Variants in CLUH observed in about 807,000 individuals in gnomAD.
CLUH encodes the protein CLUH binding protein of NUMT mRNA, also known as clustered mitochondria protein homolog.
CLUH carries 77 observed loss-of-function variants against 139.3 expected under a neutral mutation model. The observed-to-expected ratio is 0.55, with a 90% CI of 0.46 to 0.67. The LOEUF (loss-of-function observed/expected upper bound fraction) is 0.67, where lower values mean the gene tolerates loss of function less well. Among genes scored for constraint, CLUH ranks in the 30% least tolerant of loss-of-function variants. CLUH has a pLI of 0.00. For missense variants in CLUH, 1,876 were observed against 1,875.8 expected, an observed-to-expected ratio of 1.00 and a Z score of 0.00; for synonymous variants, 999 against 801.6, an observed-to-expected ratio of 1.25 and a Z score of -4.16.
intron 22 of CLUH, 74 bp downstream of exon 22, chr17:2,692,287 G>A (rs1190631437): frequency 1.4e-6 from 2 of 1,469,730 alleles, no homozygotes; most frequent in Non-Finnish European, 1.8e-6. Context: ...AGGAGCACTG[G>A]GTCTCTTCCC....
chr17:2,704,588 G>A lies in CLUH; in HGVS notation c.101-24C>T, dbSNP rs923786341. On this transcript the variant is annotated intron_variant, in intron 1 of 25. Transcript: ENST00000651024. This position sits in a 1 kb window ranked among gnomAD's most constrained non-coding sequence, Gnocchi z 5.7. ...CTCTGCGGGTGACAAGAACGGGTCA[G>A]AATCAGGCAGCCTCGCTGGTCGGCG... 6.5e-6 allele frequency: 10 copies of A among 1,528,968 alleles called. No individual in the cohort carries two copies. In the African/African-American group the frequency reaches 1.4e-4, roughly 21 times the overall value. The allele number at this position is 1,528,968 out of a possible 1,614,324, so 94.7% of individuals were successfully genotyped here.
chr17:2,690,908 T>G, intron 25 of CLUH, 131 bp from the exon 26 acceptor site: 26 of 664,380 alleles, frequency 3.9e-5, no homozygotes, highest in Middle Eastern at 4.6e-4. Context: ...GAACAAGCGC[T>G]TCCCTCCTGA....
Position 2,707,382 on chromosome 17 carries a change from G to T in CLUH, c.101-2818C>A. ...CAGTGGGGCCAGGCCTGCCATGGCA[G>T]CCCCAGGAAGGGCACACTCCCCCTG... On this transcript the variant is annotated intron_variant, in intron 1 of 25. Coordinates refer to ENST00000651024, the MANE Select transcript of CLUH (RefSeq NM_001366661.1). The surrounding 1 kb of genome is among the most constrained non-coding windows in gnomAD (Gnocchi z 7.4). 1.0e-6 allele frequency: 1 copy of T among 985,404 alleles called. No homozygotes were observed. The highest frequency in any genetic ancestry group is 1.2e-6 in the Non-Finnish European group (1 of 829,908). 61.0% of individuals were successfully genotyped at this position (985,404 alleles called of 1,614,324 possible).
chr17:2,691,923 C>T (rs1482068364), intron 23 of CLUH, 28 bp from the exon 24 acceptor site: 14 of 1,311,408 alleles, frequency 1.1e-5, no homozygotes, highest in Middle Eastern at 2.6e-4. Flanking sequence ...GGGATCAGGC[C>T]CCCCCGTGCC....
chr17:2,700,168 C>T (rs1331990945), intron 9 of CLUH, among the ~76,000 whole-genome samples: 2 of 152,238 alleles, frequency 1.3e-5, no homozygotes, highest in Non-Finnish European at 2.9e-5. Flanking sequence ...CTTCCAGGGA[C>T]TCAAAGCCTC....
At chr17:2,698,795 G>C (rs1047076340) in intron 9 of CLUH, among the ~76,000 whole-genome samples, 6 of 152,180 alleles carry the variant, frequency 3.9e-5, no homozygotes, top group African/African-American at 1.4e-4. Context: ...TGTAATCCCA[G>C]CACTTTGAGG....
Position 2,703,480 on chromosome 17 carries a change from G to A in CLUH, c.313C>T (p.Gln105Ter). ...TGGTGAATCTCCTGCACCATCTCCT[G>A]GGGGGACACCTGCAGGGAGAAGGCC... ...IEPFSLQVSP[Q>*]EMVQEIHQVL... The change falls in exon 3 of 26, where the codon CAG becomes TAG. Residue 105 changes from glutamine to a stop codon, truncating the protein, a stop_gained. Transcript: ENST00000651024. LOFTEE classifies it high-confidence loss of function. This position sits in a 1 kb window ranked among gnomAD's most constrained non-coding sequence, Gnocchi z 4.2. 6.2e-7 allele frequency: 1 copy of A among 1,612,974 alleles called. No individual in the cohort carries two copies. The highest frequency in any genetic ancestry group is 8.5e-7 in the Non-Finnish European group (1 of 1,179,574).
chr17:2,702,462 T>G (rs1204038023), intron 3 of CLUH, among the ~76,000 whole-genome samples: 1 of 152,218 alleles, frequency 6.6e-6, no homozygotes, highest in East Asian at 1.9e-4. Flanking sequence ...GCCTGAGGAC[T>G]TTCCAAGGCC....
chr17:2,696,654 G>T, intron 11 of CLUH, 65 bp downstream of exon 11: 1 of 1,579,986 alleles, frequency 6.3e-7, no homozygotes, highest in Admixed American at 1.7e-5. Flanking sequence ...CTCCCAGGTG[G>T]GGGTCATAAG....
At chr17:2,695,149 C>G in intron 15 of CLUH, 48 bp from the exon 16 acceptor site, 1 of 1,613,478 alleles carries the variant, frequency 6.2e-7, no homozygotes, top group Non-Finnish European at 8.5e-7. Context: ...AGCCCCACCT[C>G]AGGCTCTTTC....
At position 2,701,690 on chromosome 17, in the gene CLUH, T is replaced by G; in HGVS notation, c.667A>C (p.Thr223Pro). Residue 223 changes from threonine to proline, a missense_variant, in exon 5 of 26, where the codon ACA becomes CCA. Transcript: ENST00000651024. ...KGLEMDPIDC[T>P]PPEYILPGSR... ...CCTGGCAGGATGTACTCGGGTGGTG[T>G]GCAGTCGATGGGGTCCATCTCCAAG... 6.3e-7 allele frequency: 1 copy of G among 1,592,418 alleles called. No individual in the cohort carries two copies. The highest frequency in any genetic ancestry group is 1.1e-5 in the South Asian group (1 of 87,306).
intron 22 of CLUH, 41 bp from the exon 23 acceptor site, chr17:2,692,138 T>C (rs756496432): frequency 6.5e-7 from 1 of 1,549,200 alleles, no homozygotes; most frequent in East Asian, 2.4e-5. Context: ...AGGGCATAAG[T>C]GGGCTGGGTG....
At chr17:2,699,627 T>G (rs1456879948) in intron 9 of CLUH, among the ~76,000 whole-genome samples, 1 of 140,208 alleles carries the variant, frequency 7.1e-6, no homozygotes, top group Non-Finnish European at 1.6e-5. Flanking sequence ...TGTGCCTGGC[T>G]GAGATTTCTT....
chr17:2,706,526 C>A lies in CLUH; in HGVS notation c.101-1962G>T, dbSNP rs2070354705. On this transcript the variant is annotated intron_variant, in intron 1 of 25. Transcript: ENST00000651024. The surrounding 1 kb of genome is among the most constrained non-coding windows in gnomAD (Gnocchi z 4.6). Reference sequence around the variant, plus strand: ...CTCCACCCCACCCTCTCCAAGCCTGCAGTGGACTCCCAGGAACCACGAGGA... The same window carrying A: ...CTCCACCCCACCCTCTCCAAGCCTGAAGTGGACTCCCAGGAACCACGAGGA... Among the ~76,000 whole-genome samples, 1 of 152,154 alleles carries A rather than the reference C, an allele frequency of 6.6e-6. No individual in the cohort carries two copies. Among genetic ancestry groups the A allele is most frequent in the African/African-American group, 2.4e-5 (1 of 41,432 alleles).
chr17:2,708,859 TC>T (rs778273254), intron 1 of CLUH, among the ~76,000 whole-genome samples: 4,230 of 40,888 alleles, frequency 0.1, 109 homozygotes, highest in Admixed American at 0.24. Context: ...CAGCCTCTAC[TC>T]GGGGGGGGGG....
intron 16 of CLUH, 30 bp downstream of exon 16, chr17:2,694,827 C>T (rs866932681): frequency 4.2e-6 from 6 of 1,445,528 alleles, no homozygotes; most frequent in Middle Eastern, 4.1e-4. Flanking sequence ...CCCAATCCCA[C>T]CCACCCCACC....
At chr17:2,693,196 G>C in intron 19 of CLUH, among the ~76,000 whole-genome samples, 1 of 144,088 alleles carries the variant, frequency 6.9e-6, no homozygotes, top group South Asian at 2.3e-4. Flanking sequence ...AGGAGTTTGA[G>C]ACCATCCTGG....
chr17:2,693,836 G>T, intron 19 of CLUH, 64 bp downstream of exon 19: 1 of 1,536,430 alleles, frequency 6.5e-7, no homozygotes, highest in Non-Finnish European at 8.8e-7. Context: ...CTCCGTCAGG[G>T]GCCCCCTCAC....
rs199702409 is a variant in CLUH at position 2,701,899 on chromosome 17, C to T, written c.619+15G>A. 1.9e-6 allele frequency: 3 copies of T among 1,613,330 alleles called. No homozygotes were observed. In the East Asian group the frequency reaches 6.7e-5, roughly 36 times the overall value. On this transcript the variant is annotated intron_variant, in intron 4 of 25. Coordinates refer to ENST00000651024, the MANE Select transcript of CLUH (RefSeq NM_001366661.1). ...CGCCCTTTGGCCCAATCCCCGGCCCCAGTGCCTCCCGCACCTCCCAGGTCG... is the reference window on the plus strand; with the variant it reads ...CGCCCTTTGGCCCAATCCCCGGCCCTAGTGCCTCCCGCACCTCCCAGGTCG...
Sources: allele counts gnomAD v4.1 joint callset (sites outside exome capture counted in the v4.1 genomes callset), GRCh38; gene constraint gnomAD v4.1.1; non-coding constraint Gnocchi (gnomAD v3.1); transcripts MANE v1.5; gene names NCBI Gene and HGNC (gene_info 2026-07-23, HGNC 2026-07-21).